LIG1: variants seen among roughly 807,000 people sequenced by gnomAD.
LIG1 encodes DNA ligase 1.
Under a neutral mutation model 115.7 loss-of-function variants are expected in LIG1, and 70 were observed. That is an observed-to-expected ratio of 0.60 (90% CI 0.50 to 0.74). The LOEUF (loss-of-function observed/expected upper bound fraction) is 0.74. Ranked by LOEUF, LIG1 falls within the 30% of genes least tolerant of loss-of-function variation. The pLI is 0.00. For synonymous variants in LIG1, 487 were observed against 495.3 expected (o/e 0.98, Z 0.22); for missense variants, 1,115 against 1,225.6 (o/e 0.91, Z 1.35).
intron 8 of LIG1, 26 bp from the exon 9 acceptor site, chr19:48,149,867 G>C (rs766013381): frequency 6.2e-7 from 1 of 1,607,652 alleles, no homozygotes; most frequent in Non-Finnish European, 8.5e-7. Flanking sequence ...GAAAACAGTG[G>C]GTCTTTTCTC....
At position 48,131,184 on chromosome 19, in the gene LIG1, G is replaced by C. The variant is rs767702731; in HGVS notation, c.1726-13C>G. On this transcript the variant is annotated splice_polypyrimidine_tract_variant and intron_variant, in intron 18 of 27. Transcript: ENST00000263274. ...CCAGGGCGTGGATCTGTCACGATGGGAGAAGGGAGGGGAAATCAGCTGAGT... is the reference window on the plus strand; with the variant it reads ...CCAGGGCGTGGATCTGTCACGATGGCAGAAGGGAGGGGAAATCAGCTGAGT... 2.5e-6 allele frequency: 4 copies of C among 1,607,450 alleles called. No individual in the cohort carries two copies. The highest frequency in any genetic ancestry group is 3.3e-5 in the Admixed American group (2 of 60,018).
intron 9 of LIG1, among the ~76,000 whole-genome samples, chr19:48,145,217 G>A (rs1233313328): frequency 6.6e-6 from 1 of 152,162 alleles, no homozygotes; most frequent in African/African-American, 2.4e-5. Flanking sequence ...TATATCGTAA[G>A]TAGCTCACAC....
intron 12 of LIG1, among the ~76,000 whole-genome samples, chr19:48,138,230 C>T (rs753943386): frequency 1.3e-4 from 20 of 152,174 alleles, no homozygotes; most frequent in Non-Finnish European, 2.2e-4. Flanking sequence ...GTCACGGTGA[C>T]AGCTGTGACA....
chr19:48,155,392 TC>T (rs1402229270), intron 5 of LIG1, among the ~76,000 whole-genome samples: 3 of 152,030 alleles, frequency 2.0e-5, no homozygotes, highest in African/African-American at 7.2e-5. Flanking sequence ...GCCCCAAACA[TC>T]CCATGCTGTT....
At chr19:48,167,168 TA>T (rs1696840264) in intron 1 of LIG1, among the ~76,000 whole-genome samples, 2 of 150,738 alleles carry the variant, frequency 1.3e-5, no homozygotes, top group Non-Finnish European at 3.0e-5. Context: ...TATAAAAAAT[TA>T]TAAATTTTCT....
rs745950562 is a variant in LIG1, at chr19:48,133,061, C to T, written c.1646G>A (p.Arg549Gln). 4 of 1,614,086 alleles carry T rather than the reference C, an allele frequency of 2.5e-6. No homozygotes were observed. Among genetic ancestry groups the T allele is most frequent in the South Asian group, 2.2e-5 (2 of 91,072 alleles). The stretch of plus-strand genomic sequence containing the variant: ...GCGTTTCAGGACCTCGCTGATGCCC[C>T]GGGTGGGATGGGCCAACATTGGTTT... ...PLKPMLAHPT[R>Q]GISEVLKRFE... The change falls in exon 18 of 28, where the codon CGG (arginine) becomes CAG (glutamine). Residue 549 changes from arginine to glutamine, a missense_variant. Coordinates refer to ENST00000263274, the MANE Select transcript of LIG1 (RefSeq NM_000234.3).
chr19:48,152,945 C>T (rs1004995726), intron 6 of LIG1, among the ~76,000 whole-genome samples: 1 of 152,004 alleles, frequency 6.6e-6, no homozygotes, highest in Non-Finnish European at 1.5e-5. Flanking sequence ...GCCTGTAATC[C>T]CAGGGCTTTG....
intron 21 of LIG1, among the ~76,000 whole-genome samples, chr19:48,123,805 TG>T (rs1274280062): frequency 6.6e-6 from 1 of 151,112 alleles, no homozygotes; most frequent in South Asian, 2.1e-4. Flanking sequence ...CCCAAAGTGT[TG>T]GGATTACAGG....
intron 11 of LIG1, among the ~76,000 whole-genome samples, chr19:48,140,752 G>C (rs2034688443): frequency 6.6e-6 from 1 of 152,062 alleles, no homozygotes; most frequent in African/African-American, 2.4e-5. Flanking sequence ...CCCAGGAACA[G>C]AAGACAGCAA....
intron 1 of LIG1, among the ~76,000 whole-genome samples, chr19:48,168,122 G>A (rs1379285420): frequency 6.6e-6 from 1 of 152,178 alleles, no homozygotes; most frequent in Non-Finnish European, 1.5e-5. Flanking sequence ...AACTTAACCT[G>A]CATCTATAGT....
intron 9 of LIG1, among the ~76,000 whole-genome samples, chr19:48,148,600 C>T (rs2035275092): frequency 6.6e-6 from 1 of 151,776 alleles, no homozygotes; most frequent in African/African-American, 2.4e-5. Flanking sequence ...CTCATGAGGG[C>T]ACTGGGAAGC....
chr19:48,152,393 G>A (rs906561228), intron 6 of LIG1, among the ~76,000 whole-genome samples: 4 of 152,220 alleles, frequency 2.6e-5, no homozygotes, highest in Non-Finnish European at 5.9e-5. Context: ...AAACTGCTGG[G>A]AGTACAGGCG....
intron 5 of LIG1, 52 bp downstream of exon 5, chr19:48,156,962 A>AGG: frequency 3.1e-6 from 4 of 1,295,204 alleles, no homozygotes; most frequent in African/African-American, 3.4e-5. Flanking sequence ...AAAAAAAAAA[A>AGG]GAGAAAAAGA....
intron 11 of LIG1, among the ~76,000 whole-genome samples, chr19:48,141,262 C>T (rs1263826197): frequency 2.6e-5 from 4 of 152,170 alleles, no homozygotes; most frequent in South Asian, 2.1e-4. Flanking sequence ...CCGGAGTAGC[C>T]GGGACTACCG....
At chr19:48,116,447 C>CA (rs57648628) in intron 26 of LIG1, among the ~76,000 whole-genome samples, 63,654 of 98,248 alleles carry the variant, frequency 0.65, 19,432 homozygotes, top group East Asian at 0.87. Flanking sequence ...GACTCCAACT[C>CA]AAAAAAAAAA....
intron 26 of LIG1, among the ~76,000 whole-genome samples, chr19:48,116,565 CCAA>C (rs2032850066): frequency 1.3e-5 from 2 of 152,040 alleles, no homozygotes; most frequent in African/African-American, 4.8e-5. Flanking sequence ...CTGTGGGATT[CCAA>C]TCCCAGCTCC....
intron 21 of LIG1, among the ~76,000 whole-genome samples, chr19:48,124,211 C>T (rs1328679638): frequency 1.3e-5 from 2 of 152,184 alleles, no homozygotes; most frequent in East Asian, 3.8e-4. Flanking sequence ...ACGTGTTTTC[C>T]ATGGACAGCT....
chr19:48,147,933 C>T (rs16981519), intron 9 of LIG1, among the ~76,000 whole-genome samples: 48,105 of 152,094 alleles, frequency 0.32, 8,340 homozygotes, highest in East Asian at 0.55. Flanking sequence ...ACTAAGAAGG[C>T]TGGGACCTCC....
Position 48,167,841 on chromosome 19 carries a change from A to G in LIG1, c.-57-2218T>C, listed in dbSNP as rs74666865. ...ACCCCGTCTTAAAAAAAAAAAAAAA[A>G]AAAAAAAAACAAACAAAAAAGAAAC... On this transcript the variant is annotated intron_variant, in intron 1 of 27. Transcript: ENST00000263274. 2.7e-5 allele frequency among the ~76,000 whole-genome samples: 4 copies of G among 147,440 alleles called. No individual in the cohort carries two copies. In the East Asian group the frequency reaches 7.9e-4, roughly 29 times the overall value.
Sources: allele counts gnomAD v4.1 joint callset (sites outside exome capture counted in the v4.1 genomes callset), GRCh38; gene constraint gnomAD v4.1.1; transcripts MANE v1.5; gene names NCBI Gene and HGNC (gene_info 2026-07-23, HGNC 2026-07-21).